The following MAP1B variants were observed in gnomAD, a reference collection of about 807,000 sequenced individuals.
MAP1B encodes the protein microtubule associated protein 1B.
Under a neutral mutation model 176.1 loss-of-function variants are expected in MAP1B, and 12 were observed. That is an observed-to-expected ratio of 0.07 (90% confidence interval 0.04 to 0.11). The LOEUF is 0.11. Among genes scored for constraint, MAP1B ranks in the 10% least tolerant of loss-of-function variants. The pLI is 1.00. For synonymous variants in MAP1B, 1,044 were observed against 1,135.0 expected (o/e 0.92, Z 1.61); for missense variants, 2,523 against 2,990.5 (o/e 0.84, Z 3.65).
At chr5:72,116,276 G>A in intron 2 of MAP1B, 1 of 309,786 alleles carries the variant, frequency 3.2e-6, no homozygotes, top group South Asian at 2.7e-5. Context: ...AAAGAAAAAG[G>A]AAACATATAC....
chr5:72,127,092 T>C (rs1201273388), intron 2 of MAP1B, among the ~76,000 whole-genome samples: 2 of 152,246 alleles, frequency 1.3e-5, no homozygotes, highest in Non-Finnish European at 2.9e-5. Context: ...GGCTGAAGAT[T>C]GAACCTCAAG....
rs555369202 is a variant in MAP1B, at chr5:72,183,201, A to G, written c.287-542A>G. 4.6e-5 allele frequency among the ~76,000 whole-genome samples: 7 copies of G among 152,288 alleles called. No individual in the cohort carries two copies. The South Asian group carries it at 6.2e-4, about 14-fold the overall frequency. On this transcript the variant is annotated intron_variant, in intron 2 of 6. Transcript: ENST00000296755. ...TTGCTTACGGTGTCTCCAGTTTCCT[A>G]TGAGCAAGTGAATTAATTAATGAAT... is the stretch of plus-strand genomic sequence containing the variant.
intron 1 of MAP1B, among the ~76,000 whole-genome samples, chr5:72,110,487 G>A (rs1745310311): frequency 6.6e-6 from 1 of 152,220 alleles, no homozygotes; most frequent in Admixed American, 6.5e-5. Context: ...CAGACAGTCT[G>A]AGATGACTTA....
intron 1 of MAP1B, among the ~76,000 whole-genome samples, chr5:72,114,910 A>G (rs6859461): frequency 8.6e-4 from 131 of 152,336 alleles, no homozygotes; most frequent in African/African-American, 3.0e-3. Flanking sequence ...TAGGGTAGGA[A>G]TAGCTGATTC....
intron 5 of MAP1B, among the ~76,000 whole-genome samples, chr5:72,203,143 A>G (rs1182948138): frequency 6.6e-6 from 1 of 152,240 alleles, no homozygotes; most frequent in East Asian, 1.9e-4. Flanking sequence ...TCACTTAGCT[A>G]TGTTTTGCCA....
intron 4 of MAP1B, among the ~76,000 whole-genome samples, chr5:72,192,883 C>T (rs1324967313): frequency 6.6e-6 from 1 of 152,160 alleles, no homozygotes; most frequent in Non-Finnish European, 1.5e-5. Flanking sequence ...TTTTATTAAA[C>T]CACAATTTCT....
intron 2 of MAP1B, among the ~76,000 whole-genome samples, chr5:72,130,655 C>G (rs1225423673): frequency 6.6e-6 from 1 of 152,132 alleles, no homozygotes; most frequent in East Asian, 1.9e-4. Flanking sequence ...TGGTAAAGAG[C>G]CAGTGTCTTG....
At chr5:72,183,849 C>T in intron 3 of MAP1B, 24 bp downstream of exon 3, 1 of 1,607,356 alleles carries the variant, frequency 6.2e-7, no homozygotes, top group Non-Finnish European at 8.5e-7. Flanking sequence ...TCTGTAGAAT[C>T]TGGGGCCGGG....
intron 2 of MAP1B, among the ~76,000 whole-genome samples, chr5:72,174,106 G>T (rs747864367): frequency 2.6e-5 from 4 of 152,162 alleles, no homozygotes; most frequent in Non-Finnish European, 4.4e-5. Context: ...CTCCAGCCTG[G>T]GTGACAGAGC....
At position 72,207,031 on chromosome 5, in the gene MAP1B, A is replaced by T. The variant is rs1191115203; in HGVS notation, c.*1792A>T. 5.9e-5 allele frequency: 9 copies of T among 152,208 alleles called. No individual in the cohort carries two copies. Among genetic ancestry groups the T allele is most frequent in the Non-Finnish European group, 1.2e-4 (8 of 68,036 alleles). 9.4% of individuals were successfully genotyped at this position (152,208 alleles called of 1,614,324 possible). A position where few individuals can be genotyped will look rare whatever the true frequency, so the allele number is the denominator to read the frequency against. On this transcript the variant is annotated 3_prime_UTR_variant, in exon 7 of 7. Transcript: ENST00000296755. Reference sequence around the variant, plus strand: ...TTTGGGATTTTCTTTTCTGGAAAAAAAAAATAAAAGAAATAGTACATTGAA... The same window carrying T: ...TTTGGGATTTTCTTTTCTGGAAAAATAAAATAAAAGAAATAGTACATTGAA...
intron 2 of MAP1B, chr5:72,116,523 C>T (rs1334494989): frequency 2.8e-6 from 1 of 359,328 alleles, no homozygotes; most frequent in East Asian, 8.7e-5. Context: ...GGGCTATGAT[C>T]TGACCCATGC....
At chr5:72,187,812 T>C (rs1369249312) in intron 4 of MAP1B, among the ~76,000 whole-genome samples, 1 of 152,128 alleles carries the variant, frequency 6.6e-6, no homozygotes, top group Non-Finnish European at 1.5e-5. Flanking sequence ...AAAACACTGA[T>C]CAGAAGGCAT....
intron 2 of MAP1B, among the ~76,000 whole-genome samples, chr5:72,180,334 C>T (rs1026964625): frequency 6.6e-6 from 1 of 152,132 alleles, no homozygotes; most frequent in African/African-American, 2.4e-5. Context: ...AATGACTATT[C>T]CTTCTCCTTG....
chr5:72,134,289 C>A (rs1431484945), intron 2 of MAP1B, among the ~76,000 whole-genome samples: 1 of 152,176 alleles, frequency 6.6e-6, no homozygotes, highest in African/African-American at 2.4e-5. Flanking sequence ...AGTATTGTCG[C>A]AGCAAGACTC....
At chr5:72,200,782 A>T (rs1002282051) in intron 5 of MAP1B, among the ~76,000 whole-genome samples, 5 of 152,222 alleles carry the variant, frequency 3.3e-5, no homozygotes, top group African/African-American at 4.8e-5. Flanking sequence ...GAGGTTTCAC[A>T]TCAAGACTGG....
rs1747095327 is a variant in MAP1B, at chr5:72,194,316, A to G, written c.961A>G (p.Asn321Asp). The change falls in exon 5 of 7, where the codon AAC becomes GAC. Residue 321 changes from asparagine to aspartate, a missense_variant. Asn to Asp is a conservative substitution (Grantham distance 23). Transcript: ENST00000296755. This position sits in a 1 kb window ranked among gnomAD's most constrained non-coding sequence, Gnocchi z 7.2. ...TGGGGATGACAATTTGCCTGGAATA[A>G]ACAGCATGTTACAGCGGAAAATTGC... is the stretch of plus-strand genomic sequence containing the variant. ...HIGDDNLPGI[N>D]SMLQRKIAEL... 13 of 1,614,248 alleles carry G rather than the reference A, an allele frequency of 8.1e-6. No homozygotes were observed. The East Asian group carries it at 2.7e-4, about 33-fold the overall frequency.
chr5:72,146,361 C>A (rs1291853858), intron 2 of MAP1B, among the ~76,000 whole-genome samples: 1 of 152,184 alleles, frequency 6.6e-6, no homozygotes, highest in Non-Finnish European at 1.5e-5. Flanking sequence ...ATGGAGGAGG[C>A]CTTGCCTTTC....
chr5:72,108,598 G>C (rs1004186041), intron 1 of MAP1B, among the ~76,000 whole-genome samples: 2 of 152,170 alleles, frequency 1.3e-5, no homozygotes, highest in African/African-American at 4.8e-5. Flanking sequence ...GTGAGGGTCC[G>C]GCGGGCACAG....
intron 2 of MAP1B, among the ~76,000 whole-genome samples, chr5:72,152,617 C>A (rs377600517): frequency 1.0e-3 from 153 of 152,170 alleles, no homozygotes; most frequent in African/African-American, 3.6e-3. Flanking sequence ...CAGCCAGTTT[C>A]TGTATTTTTA....
Sources: gnomAD v4.1 joint callset for allele counts (sites outside exome capture counted in the v4.1 genomes callset) on GRCh38, gnomAD v4.1.1 for gene constraint, Gnocchi (gnomAD v3.1) non-coding constraint, MANE v1.5 for transcripts, NCBI Gene and HGNC (gene_info 2026-07-23, HGNC 2026-07-21) for gene names.